Variants in DOCK4 observed in about 807,000 individuals in gnomAD.
DOCK4 encodes the protein dedicator of cytokinesis 4, also known as dedicator of cytokinesis protein 4.
Under a neutral mutation model 268.1 loss-of-function variants are expected in DOCK4, and 97 were observed. That is an observed-to-expected ratio of 0.36 (90% CI 0.31 to 0.43). The LOEUF (loss-of-function observed/expected upper bound fraction) is 0.43. Among genes scored for constraint, DOCK4 ranks in the 20% least tolerant of loss-of-function variants. The pLI is 1.00. For missense variants in DOCK4, 2,145 were observed against 2,455.7 expected (o/e 0.87, Z 2.67); for synonymous variants, 954 against 887.2 (o/e 1.08, Z -1.34).
At chr7:111,756,335 C>A (rs1241460116) in intron 41 of DOCK4, among the ~76,000 whole-genome samples, 2 of 151,974 alleles carry the variant, frequency 1.3e-5, no homozygotes, top group African/African-American at 2.4e-5. Context: ...GGCGACAGGG[C>A]GAGACTCCTT....
chr7:111,897,381 T>C (rs1808844753), intron 15 of DOCK4, among the ~76,000 whole-genome samples: 1 of 152,140 alleles, frequency 6.6e-6, no homozygotes, highest in Non-Finnish European at 1.5e-5. Context: ...TGTCATTTAA[T>C]GCCTCCTTCT....
intron 1 of DOCK4, among the ~76,000 whole-genome samples, chr7:112,080,865 A>G (rs1808516736): frequency 6.6e-6 from 1 of 152,204 alleles, no homozygotes; most frequent in Non-Finnish European, 1.5e-5. Context: ...AGACAGCAAG[A>G]TATTTTGATG....
At chr7:112,150,748 C>A (rs191659950) in intron 1 of DOCK4, among the ~76,000 whole-genome samples, 188 of 152,274 alleles carry the variant, frequency 1.2e-3, no homozygotes, top group African/African-American at 3.7e-3. Flanking sequence ...AAACACCATC[C>A]TCAACCTCCC....
intron 25 of DOCK4, among the ~76,000 whole-genome samples, chr7:111,839,049 T>C (rs950585103): frequency 6.6e-6 from 1 of 152,172 alleles, no homozygotes; most frequent in Non-Finnish European, 1.5e-5. Flanking sequence ...GGTTCAGAAA[T>C]TTACCCCAGG....
Position 111,728,542 on chromosome 7 carries a change from A to C in DOCK4, c.5660T>G (p.Val1887Gly). 1 of 1,613,722 alleles carries C rather than the reference A, an allele frequency of 6.2e-7. No individual in the cohort carries two copies. Among genetic ancestry groups the C allele is most frequent in the Non-Finnish European group, 8.5e-7 (1 of 1,179,838 alleles). Residue 1887 changes from valine to glycine, a missense_variant, in exon 53 of 53, where the codon GTG becomes GGG. Coordinates refer to ENST00000428084, the MANE Select transcript of DOCK4 (RefSeq NM_001363540.2). ...GCTCGGCACGGGCACCGGCACTGGC[A>C]CCGGCAGGGGGGCCGACTGTTCATT... The part of the protein sequence containing the change: ...QVNEQSAPLP[V>G]PVPVPVPSYG...
chr7:112,001,638 G>C (rs921371575), intron 2 of DOCK4, among the ~76,000 whole-genome samples: 1 of 152,312 alleles, frequency 6.6e-6, no homozygotes, highest in African/African-American at 2.4e-5. Flanking sequence ...ATATGCTGAG[G>C]TTGCTAAAAT....
chr7:112,191,004 T>C (rs2116790474), intron 1 of DOCK4, among the ~76,000 whole-genome samples: 1 of 152,296 alleles, frequency 6.6e-6, no homozygotes, highest in South Asian at 2.1e-4. Flanking sequence ...CTCTTGCTCC[T>C]CCAATGAATG....
At chr7:111,886,653 G>C (rs1807870353) in intron 16 of DOCK4, among the ~76,000 whole-genome samples, 1 of 152,052 alleles carries the variant, frequency 6.6e-6, no homozygotes, top group Non-Finnish European at 1.5e-5. Context: ...AAAGGCACCG[G>C]GGAATAAAAA....
chr7:111,744,150 A>T (rs1421928783), intron 44 of DOCK4, among the ~76,000 whole-genome samples: 1 of 152,058 alleles, frequency 6.6e-6, no homozygotes, highest in Non-Finnish European at 1.5e-5. Context: ...CTTCCTCAGT[A>T]TGGGATGTGC....
intron 25 of DOCK4, chr7:111,841,010 T>C: frequency 2.4e-6 from 1 of 408,866 alleles, no homozygotes. Context: ...GCAACAATCA[T>C]GATATGACTG....
chr7:112,111,482 T>C (rs528777494), intron 1 of DOCK4, among the ~76,000 whole-genome samples: 62 of 152,358 alleles, frequency 4.1e-4, no homozygotes, highest in African/African-American at 1.4e-3. Context: ...ATTTAGCCTA[T>C]ATTGAACTTA....
At chr7:112,078,771 C>A (rs1242541722) in intron 1 of DOCK4, among the ~76,000 whole-genome samples, 1 of 152,172 alleles carries the variant, frequency 6.6e-6, no homozygotes, top group Non-Finnish European at 1.5e-5. Context: ...GTATCTCCTG[C>A]AGAGTCTGGG....
intron 12 of DOCK4, among the ~76,000 whole-genome samples, chr7:111,928,716 T>C (rs1793940331): frequency 6.6e-6 from 1 of 151,758 alleles, no homozygotes. Context: ...GCCTCCTGAG[T>C]AGCTGGAATT....
intron 1 of DOCK4, among the ~76,000 whole-genome samples, chr7:112,103,625 T>G (rs1810882463): frequency 6.6e-6 from 1 of 152,220 alleles, no homozygotes; most frequent in Admixed American, 6.5e-5. Flanking sequence ...CTCATGCCTG[T>G]AATCCCAGCA....
At chr7:111,943,389 C>A (rs1795358453) in intron 10 of DOCK4, among the ~76,000 whole-genome samples, 1 of 152,174 alleles carries the variant, frequency 6.6e-6, no homozygotes, top group Non-Finnish European at 1.5e-5. Flanking sequence ...TTTTTTACCA[C>A]CCCAAATCCA....
intron 1 of DOCK4, among the ~76,000 whole-genome samples, chr7:112,038,918 C>T (rs1259751005): frequency 1.3e-5 from 2 of 152,198 alleles, no homozygotes; most frequent in South Asian, 2.1e-4. Context: ...TCGCTATCTT[C>T]TAGGCCTAGG....
chr7:111,872,915 A>T (rs1806542312), intron 17 of DOCK4, among the ~76,000 whole-genome samples: 1 of 152,172 alleles, frequency 6.6e-6, no homozygotes, highest in Non-Finnish European at 1.5e-5. Flanking sequence ...CAGGCAGGTG[A>T]CAAATATTTG....
chr7:111,986,717 A>G (rs1799081769), intron 6 of DOCK4, among the ~76,000 whole-genome samples: 1 of 152,176 alleles, frequency 6.6e-6, no homozygotes, highest in African/African-American at 2.4e-5. Context: ...GGCAACAGAA[A>G]CATGTACCAT....
chr7:112,083,798 T>TACTA, intron 1 of DOCK4, among the ~76,000 whole-genome samples: 1 of 152,292 alleles, frequency 6.6e-6, no homozygotes, highest in South Asian at 2.1e-4. Context: ...TAGAGGATCA[T>TACTA]ACCAAAGGCT....
Sources: gnomAD v4.1 joint callset for allele counts (sites outside exome capture counted in the v4.1 genomes callset) on GRCh38, gnomAD v4.1.1 for gene constraint, MANE v1.5 for transcripts, NCBI Gene and HGNC (gene_info 2026-07-23, HGNC 2026-07-21) for gene names.